The following CCDC38 variants were observed in gnomAD, a reference collection of about 807,000 sequenced individuals.
CCDC38 encodes the protein coiled-coil domain containing 38.
Under a neutral mutation model 72.8 loss-of-function variants are expected in CCDC38, and 69 were observed. The observed-to-expected ratio is 0.95, with a 90% CI of 0.78 to 1.16. The LOEUF (loss-of-function observed/expected upper bound fraction) is 1.16, where lower values mean the gene tolerates loss of function less well. Ranked by LOEUF, CCDC38 falls within the 50% of genes most tolerant of loss-of-function variation. The pLI is 0.00. For synonymous variants in CCDC38, 201 were observed against 213.2 expected (o/e 0.94, Z 0.50); for missense variants, 626 against 638.9 (o/e 0.98, Z 0.22).
intron 2 of CCDC38, among the ~76,000 whole-genome samples, chr12:95,923,952 T>C (rs61939177): frequency 0.16 from 12,945 of 81,540 alleles, no homozygotes; most frequent in East Asian, 0.3. Flanking sequence ...TTGTTGGACA[T>C]TTGGGTTGGT....
At chr12:95,907,524 C>A (rs1397195041) in intron 4 of CCDC38, among the ~76,000 whole-genome samples, 1 of 122,958 alleles carries the variant, frequency 8.1e-6, no homozygotes, top group African/African-American at 3.6e-5. Context: ...CCAGTAGGGG[C>A]GGCCGGGCAG....
At chr12:95,923,262 T>C (rs368698822) in intron 2 of CCDC38, among the ~76,000 whole-genome samples, 9 of 152,254 alleles carry the variant, frequency 5.9e-5, no homozygotes, top group Non-Finnish European at 1.0e-4. Flanking sequence ...CATAATTATA[T>C]GAGCCAATTA....
chr12:95,869,950 A>G (rs190882888), intron 14 of CCDC38: 143 of 178,584 alleles, frequency 8.0e-4, no homozygotes, highest in Non-Finnish European at 1.2e-3. Context: ...CAGCCTCCCA[A>G]GTAGCTGGGA....
rs1237154795 is a variant in CCDC38 at position 95,872,327 on chromosome 12, TCA to T, written c.1410_1411del (p.Cys470Ter). On this transcript the variant is annotated stop_gained and frameshift_variant, in exon 14 of 16. Transcript: ENST00000344280. LOFTEE classifies it high-confidence loss of function. ...TTCTTTGGGAATGGATTCGATGAGG[TCA>T]CACAGTTCTACCAGGCGAGATTCTA... 1.2e-6 allele frequency: 2 copies of T among 1,614,178 alleles called. No individual in the cohort carries two copies. Among genetic ancestry groups the T allele is most frequent in the Non-Finnish European group, 1.7e-6 (2 of 1,180,022 alleles).
intron 2 of CCDC38, among the ~76,000 whole-genome samples, chr12:95,919,896 G>A (rs2080185711): frequency 6.6e-6 from 1 of 152,208 alleles, no homozygotes; most frequent in Non-Finnish European, 1.5e-5. Context: ...GAATGTTTAA[G>A]TGGGGCAGTC....
Position 95,879,712 on chromosome 12 carries a change from T to C in CCDC38, c.1074A>G (p.Gln358=). The C allele has an allele frequency of 6.2e-7, 1 of 1,610,810 alleles. No homozygotes were observed. Among genetic ancestry groups the C allele is most frequent in the Middle Eastern group, 1.7e-4 (1 of 6,048 alleles). Residue 358 remains glutamine, a synonymous_variant, in exon 12 of 16, where the codon CAA becomes CAG. Transcript: ENST00000344280. The surrounding 1 kb of genome is among the most constrained non-coding windows in gnomAD (Gnocchi z 5.5). ...ELEEQNLTLF[Q]YSQDVDENLE... is the part of the protein sequence containing the mutation. Reference sequence around the variant, plus strand: ...GATTTTCATCTACATCTTGGGAATATTGAAACAAAGTAAGATTCTGCTCTT... The same window carrying C: ...GATTTTCATCTACATCTTGGGAATACTGAAACAAAGTAAGATTCTGCTCTT...
rs766418863 is a variant in CCDC38 at position 95,890,909 on chromosome 12, T to C, written c.794A>G (p.Asn265Ser). ...ILAKLSLHSS[N>S]KEGILEESGR... ...GGACTCCTCAAGGATGCCTTCCTTGTTACTTGAATGTAATGATAATTCTAG... is the reference window on the plus strand; with the variant it reads ...GGACTCCTCAAGGATGCCTTCCTTGCTACTTGAATGTAATGATAATTCTAG... Residue 265 changes from asparagine to serine, a missense_variant, in exon 9 of 16, where the codon AAC (asparagine) becomes AGC (serine). Physicochemically the swap from Asn to Ser is conservative, Grantham distance 46. Coordinates refer to ENST00000344280, the MANE Select transcript of CCDC38 (RefSeq NM_182496.3). 6.3e-7 allele frequency: 1 copy of C among 1,594,534 alleles called. No individual in the cohort carries two copies. The highest frequency in any genetic ancestry group is 2.2e-5 in the East Asian group (1 of 44,674).
chr12:95,914,781 C>T (rs980659494), intron 4 of CCDC38, among the ~76,000 whole-genome samples: 1 of 152,008 alleles, frequency 6.6e-6, no homozygotes, highest in Non-Finnish European at 1.5e-5. Flanking sequence ...TCCTCACACC[C>T]TATACCCTAC....
chr12:95,930,180 A>C (rs1344784338), intron 2 of CCDC38, among the ~76,000 whole-genome samples: 1 of 152,178 alleles, frequency 6.6e-6, no homozygotes, highest in African/African-American at 2.4e-5. Flanking sequence ...CCTATATTAT[A>C]AACTCACCAC....
In CCDC38 at chr12:95,925,230, T is replaced by C. The variant is rs199705619; in HGVS notation, c.38-6254A>G. ...TTCTATTTCCTTGAGCAGTGGTTTG[T>C]AGTTCTCCTTGAAGAGGTCCTTCAC... On this transcript the variant is annotated intron_variant, in intron 2 of 15. Coordinates refer to ENST00000344280, the MANE Select transcript of CCDC38 (RefSeq NM_182496.3). Among the ~76,000 whole-genome samples the C allele has an allele frequency of 0.029, 4,395 of 152,232 alleles. 514 individuals are homozygous for C. In the East Asian group the frequency reaches 0.42, roughly 15 times the overall value.
intron 2 of CCDC38, among the ~76,000 whole-genome samples, chr12:95,925,237 C>T (rs1366858385): frequency 2.0e-5 from 3 of 152,094 alleles, no homozygotes; most frequent in Admixed American, 6.6e-5. Context: ...TTGTAGTTCT[C>T]CTTGAAGAGG....
intron 1 of CCDC38, among the ~76,000 whole-genome samples, chr12:95,939,279 A>G (rs150697769): frequency 3.5e-4 from 54 of 152,308 alleles, no homozygotes; most frequent in African/African-American, 1.3e-3. Context: ...AACAAAGGGG[A>G]CAGCACCCCA....
At chr12:95,931,295 A>G (rs2080335623) in intron 2 of CCDC38, among the ~76,000 whole-genome samples, 1 of 151,168 alleles carries the variant, frequency 6.6e-6, no homozygotes, top group African/African-American at 2.4e-5. Flanking sequence ...TTGTCACATC[A>G]CCTTCTCGGT....
intron 7 of CCDC38, among the ~76,000 whole-genome samples, chr12:95,898,172 T>C (rs1230035706): frequency 2.0e-5 from 3 of 152,188 alleles, no homozygotes; most frequent in Non-Finnish European, 4.4e-5. Flanking sequence ...TATCTACAAG[T>C]TAGAGAGACT....
At chr12:95,873,509 G>A (rs149175531) in intron 13 of CCDC38, among the ~76,000 whole-genome samples, 4 of 152,284 alleles carry the variant, frequency 2.6e-5, no homozygotes, top group East Asian at 1.9e-4. Flanking sequence ...ACACTGTGCC[G>A]TTTAACTGTT....
At chr12:95,903,549 G>T (rs2079971451) in intron 5 of CCDC38, 2 of 680,848 alleles carry the variant, frequency 2.9e-6, no homozygotes, top group South Asian at 1.6e-5. Flanking sequence ...CTTTTATAAA[G>T]TTGAGGAACT....
At chr12:95,928,844 G>A (rs2080302917) in intron 2 of CCDC38, among the ~76,000 whole-genome samples, 1 of 152,166 alleles carries the variant, frequency 6.6e-6, no homozygotes, top group Admixed American at 6.5e-5. Flanking sequence ...TCCCAGTTAG[G>A]CTGCTCGGGG....
At chr12:95,886,057 A>AC (rs1222263025) in intron 10 of CCDC38, among the ~76,000 whole-genome samples, 2 of 128,638 alleles carry the variant, frequency 1.6e-5, no homozygotes, top group African/African-American at 5.6e-5. Context: ...TGCCTATACT[A>AC]AAAACAAACA....
chr12:95,869,680 G>T (rs1477150563), intron 14 of CCDC38, 107 bp from the exon 15 acceptor site: 2 of 550,616 alleles, frequency 3.6e-6, no homozygotes, highest in Admixed American at 3.2e-5. Flanking sequence ...CTCCTTTAAA[G>T]GTAAATGAAA....
Sources: allele counts gnomAD v4.1 joint callset (sites outside exome capture counted in the v4.1 genomes callset), GRCh38; gene constraint gnomAD v4.1.1; non-coding constraint Gnocchi (gnomAD v3.1); transcripts MANE v1.5; gene names NCBI Gene and HGNC (gene_info 2026-07-23, HGNC 2026-07-21).